IL1RAPL2: variants seen among roughly 807,000 people sequenced by gnomAD.
The protein encoded by IL1RAPL2 is X-linked interleukin-1 receptor accessory protein-like 2.
IL1RAPL2 carries 3 observed loss-of-function variants against 44.1 expected under a neutral mutation model. That is an observed-to-expected ratio of 0.07 (90% CI 0.03 to 0.18). IL1RAPL2 has a LOEUF of 0.18. IL1RAPL2 is among the 10% of genes least tolerant of loss of function. IL1RAPL2 has a pLI of 1.00. For synonymous variants in IL1RAPL2, 181 were observed against 178.8 expected (o/e 1.01, Z -0.10); for missense variants, 391 against 496.4 (o/e 0.79, Z 2.02).
intron 2 of IL1RAPL2, among the ~76,000 whole-genome samples, chrX:104,947,649 C>T (rs1174202659): frequency 9.2e-6 from 1 of 108,451 alleles, no homozygotes; most frequent in Non-Finnish European, 1.9e-5. Context: ...AGCCTGTTTT[C>T]CCAGCACCAT....
chrX:105,511,910 AC>A (rs1199656627), intron 6 of IL1RAPL2, among the ~76,000 whole-genome samples: 2 of 111,339 alleles, frequency 1.8e-5, no homozygotes, highest in African/African-American at 6.5e-5. Context: ...ATTAGGAACT[AC>A]GTTTATACAG....
At chrX:105,208,143 C>T (rs1174347372) in intron 3 of IL1RAPL2, among the ~76,000 whole-genome samples, 2 of 110,608 alleles carry the variant, frequency 1.8e-5, no homozygotes, top group Non-Finnish European at 3.8e-5. Context: ...TTTATCGAGG[C>T]GTTTTTTTCT....
chrX:104,688,603 T>TA (rs972803667), intron 2 of IL1RAPL2, among the ~76,000 whole-genome samples: 1 of 111,220 alleles, frequency 9.0e-6, no homozygotes, highest in African/African-American at 3.3e-5. Flanking sequence ...ACTGCCTTTT[T>TA]ACAGTGGGGC....
chrX:104,696,686 G>C (rs761146740), intron 2 of IL1RAPL2, among the ~76,000 whole-genome samples: 21 of 111,724 alleles, frequency 1.9e-4, no homozygotes, highest in African/African-American at 5.9e-4. Flanking sequence ...GGAGAGGTTA[G>C]AGTTCAGAGG....
chrX:104,791,742 T>C, intron 2 of IL1RAPL2, among the ~76,000 whole-genome samples: 1 of 111,502 alleles, frequency 9.0e-6, no homozygotes, highest in Non-Finnish European at 1.9e-5. Flanking sequence ...AACATGTGAA[T>C]AACTTTCTGT....
At chrX:104,637,736 G>T (rs1485707953) in intron 1 of IL1RAPL2, among the ~76,000 whole-genome samples, 1 of 109,870 alleles carries the variant, frequency 9.1e-6, no homozygotes, top group Non-Finnish European at 1.9e-5. Context: ...GAGGACTTCT[G>T]CATCTATGTT....
At chrX:104,649,295 C>T (rs1011839949) in intron 1 of IL1RAPL2, among the ~76,000 whole-genome samples, 10 of 111,699 alleles carry the variant, frequency 9.0e-5, no homozygotes, top group South Asian at 3.7e-4. Context: ...GACAGAAGTG[C>T]TTGAGAATAG....
rs990436760 is a variant in IL1RAPL2 at position 104,950,502 on chromosome X, T to G, written c.83-244973T>G. 8.0e-5 allele frequency among the ~76,000 whole-genome samples: 9 copies of G among 112,292 alleles called. No individual in the cohort carries two copies. The Admixed American group carries it at 8.4e-4, about 10-fold the overall frequency. ...CTTGAGCTGTGGTGGGCTCCACCCA[T>G]TTCGAGCTTCGGGGCTGCTTTGTTT... On this transcript the variant is annotated intron_variant, in intron 2 of 10. Transcript: ENST00000372582.
chrX:104,941,065 G>T (rs1309144395), intron 2 of IL1RAPL2, among the ~76,000 whole-genome samples: 3 of 110,588 alleles, frequency 2.7e-5, no homozygotes, highest in African/African-American at 9.9e-5. Context: ...GTAATCCATG[G>T]TGTATATGTG....
intron 5 of IL1RAPL2, among the ~76,000 whole-genome samples, chrX:105,320,877 G>A (rs1417735040): frequency 1.8e-5 from 2 of 111,740 alleles, no homozygotes; most frequent in Non-Finnish European, 3.8e-5. Flanking sequence ...TGCCTGGTGA[G>A]CCCATGCTCT....
intron 6 of IL1RAPL2, among the ~76,000 whole-genome samples, chrX:105,512,863 G>A (rs2036480902): frequency 9.0e-6 from 1 of 110,574 alleles, no homozygotes; most frequent in Admixed American, 9.7e-5. Flanking sequence ...GTGGTTTGCT[G>A]CACACATCAA....
chrX:104,913,792 T>C lies in IL1RAPL2; in HGVS notation c.82+254797T>C, dbSNP rs141840131. Among the ~76,000 whole-genome samples the C allele has an allele frequency of 6.3e-3, 710 of 112,121 alleles. 3 individuals are homozygous for C. Among genetic ancestry groups the C allele is most frequent in the African/African-American group, 0.022 (678 of 30,904 alleles). ...ATAGTAGAGCCTTCTATTTGCAACATGCAAAACAGTAACCACATTTCTTCT... is the reference window on the plus strand; with the variant it reads ...ATAGTAGAGCCTTCTATTTGCAACACGCAAAACAGTAACCACATTTCTTCT... On this transcript the variant is annotated intron_variant, in intron 2 of 10. Transcript: ENST00000372582.
intron 6 of IL1RAPL2, among the ~76,000 whole-genome samples, chrX:105,559,722 G>A (rs1307279442): frequency 2.7e-5 from 3 of 111,196 alleles, no homozygotes; most frequent in Admixed American, 9.6e-5. Context: ...TCTTGCTTGG[G>A]GTAATCTTTT....
chrX:104,866,703 A>C (rs1922625579), intron 2 of IL1RAPL2, among the ~76,000 whole-genome samples: 1 of 111,987 alleles, frequency 8.9e-6, no homozygotes, highest in Non-Finnish European at 1.9e-5. Context: ...TTGGTGATTT[A>C]GAAACAAATG....
At chrX:104,703,575 T>A (rs748938357) in intron 2 of IL1RAPL2, among the ~76,000 whole-genome samples, 44 of 112,191 alleles carry the variant, frequency 3.9e-4, no homozygotes, top group Admixed American at 1.2e-3. Flanking sequence ...TCATAAATGT[T>A]CTATAAATGG....
chrX:104,813,053 A>G (rs1466128832), intron 2 of IL1RAPL2, among the ~76,000 whole-genome samples: 1 of 112,218 alleles, frequency 8.9e-6, no homozygotes, highest in Non-Finnish European at 1.9e-5. Flanking sequence ...TCTATTAGCG[A>G]ACTAGATTAC....
intron 2 of IL1RAPL2, among the ~76,000 whole-genome samples, chrX:105,183,285 C>T (rs947674942): frequency 1.2e-4 from 13 of 111,486 alleles, no homozygotes; most frequent in African/African-American, 4.2e-4. Flanking sequence ...CAACTCCAAG[C>T]CAGTGGGCAG....
intron 2 of IL1RAPL2, among the ~76,000 whole-genome samples, chrX:104,787,785 A>G (rs908659828): frequency 2.7e-5 from 3 of 111,565 alleles, no homozygotes; most frequent in Non-Finnish European, 5.6e-5. Context: ...ATCTTGCCTT[A>G]GGAGATTCTG....
chrX:105,477,575 A>G (rs1231748557), intron 5 of IL1RAPL2, among the ~76,000 whole-genome samples: 1 of 112,091 alleles, frequency 8.9e-6, no homozygotes, highest in Non-Finnish European at 1.9e-5. Context: ...CTAGTCAACT[A>G]CTTAGGCTAA....
Sources: allele counts gnomAD v4.1 joint callset (sites outside exome capture counted in the v4.1 genomes callset), GRCh38; gene constraint gnomAD v4.1.1; transcripts MANE v1.5; gene names NCBI Gene and HGNC (gene_info 2026-07-23, HGNC 2026-07-21).